Variants in ST3GAL5 observed in about 807,000 individuals in gnomAD.
ST3GAL5 encodes the protein ST3 beta-galactoside alpha-2,3-sialyltransferase 5.
In ST3GAL5, 25 loss-of-function variants were observed where a neutral mutation model predicts 46.1. That is an observed-to-expected ratio of 0.54 (90% CI 0.40 to 0.76). The LOEUF is 0.76. Ranked by LOEUF, ST3GAL5 falls within the 30% of genes least tolerant of loss-of-function variation. The pLI is 0.00. For synonymous variants in ST3GAL5, 182 were observed against 192.7 expected (o/e 0.94, Z 0.46); for missense variants, 431 against 521.2 (o/e 0.83, Z 1.69).
At chr2:85,847,514 T>C (rs1682938195) in intron 4 of ST3GAL5, 1 of 1,067,230 alleles carries the variant, frequency 9.4e-7, no homozygotes, top group Admixed American at 4.8e-5. Flanking sequence ...GCTTCCTGTG[T>C]CCCTCACTGT....
chr2:85,853,084 G>A, intron 3 of ST3GAL5: 1 of 1,304,136 alleles, frequency 7.7e-7, no homozygotes, highest in Non-Finnish European at 1.0e-6. Context: ...TCCGCAGGGA[G>A]ATAAGGTCTT....
At chr2:85,860,023 A>G (rs1465668546) in intron 3 of ST3GAL5, among the ~76,000 whole-genome samples, 1 of 152,184 alleles carries the variant, frequency 6.6e-6, no homozygotes, top group East Asian at 1.9e-4. Context: ...ACTGAATTCA[A>G]GCCGGGCTTC....
Position 85,870,326 on chromosome 2 carries a change from G to A in ST3GAL5, c.83-6841C>T, listed in dbSNP as rs74872705. The A allele has an allele frequency of 1.9e-3, 849 of 447,290 alleles. 6 individuals are homozygous for A. The highest frequency in any genetic ancestry group is 0.016 in the African/African-American group (795 of 49,838). 27.7% of individuals were successfully genotyped at this position (447,290 alleles called of 1,614,324 possible). On this transcript the variant is annotated intron_variant, in intron 1 of 6. Transcript: ENST00000638572. ...ACTGAATAAATACGCAGTTTCTTAT[G>A]AGGGTTTCGGAGGCGATGGTGGTTA...
At chr2:85,842,018 T>C (rs973244658) in intron 6 of ST3GAL5, among the ~76,000 whole-genome samples, 3 of 151,282 alleles carry the variant, frequency 2.0e-5, no homozygotes, top group South Asian at 4.3e-4. Flanking sequence ...GTGGCTGCCA[T>C]AAATATAACT....
rs1028419833 is a variant in ST3GAL5, at chr2:85,837,773, C to T, written c.*2371G>A. 1.3e-5 allele frequency: 2 copies of T among 152,238 alleles called. No homozygotes were observed. Among genetic ancestry groups the T allele is most frequent in the African/African-American group, 4.8e-5 (2 of 41,546 alleles). 9.4% of individuals were successfully genotyped at this position (152,238 alleles called of 1,614,324 possible). On this transcript the variant is annotated 3_prime_UTR_variant, in exon 7 of 7. Transcript: ENST00000638572. ...TTTCTGCAGCTCAAAGTTCTAGAAG[C>T]ATGTTAAAATACAGAACATGTGTAA... is the stretch of plus-strand genomic sequence containing the variant.
At chr2:85,867,978 G>A (rs992902633) in intron 1 of ST3GAL5, 14 of 301,116 alleles carry the variant, frequency 4.6e-5, no homozygotes, top group Admixed American at 4.4e-4. Flanking sequence ...CTCTACTTCA[G>A]CTCAGCAGGC....
intron 3 of ST3GAL5, chr2:85,848,480 C>T (rs1683094904): frequency 8.2e-7 from 1 of 1,225,206 alleles, no homozygotes; most frequent in Admixed American, 2.3e-5. Flanking sequence ...CCCAGCCTAA[C>T]ACTGTTCAAA....
chr2:85,873,726 C>T (rs546233177), intron 1 of ST3GAL5, among the ~76,000 whole-genome samples: 1 of 152,286 alleles, frequency 6.6e-6, no homozygotes, highest in Admixed American at 6.5e-5. Context: ...CCACAAACAG[C>T]TAAGAACCAG....
At chr2:85,880,881 TTTAAC>T (rs757044851) in intron 1 of ST3GAL5, 5 of 517,956 alleles carry the variant, frequency 9.7e-6, no homozygotes, top group African/African-American at 1.9e-5. Flanking sequence ...GTAGGTCTAT[TTTAAC>T]TTATCTATGT....
intron 1 of ST3GAL5, among the ~76,000 whole-genome samples, chr2:85,866,523 G>C (rs978612664): frequency 6.6e-6 from 1 of 152,254 alleles, no homozygotes; most frequent in Non-Finnish European, 1.5e-5. Flanking sequence ...ACTGCACAAA[G>C]AAGTACTGTT....
At chr2:85,888,627 C>T in intron 1 of ST3GAL5, 197 bp downstream of exon 1, 1 of 316,942 alleles carries the variant, frequency 3.2e-6, no homozygotes. Context: ...ACCCCCCGCC[C>T]GGTCCACACG....
intron 3 of ST3GAL5, chr2:85,853,445 A>G (rs1054597700): frequency 4.3e-6 from 1 of 234,414 alleles, no homozygotes; most frequent in South Asian, 5.6e-5. Context: ...GAGTGGAACC[A>G]ACAGAGCTAA....
intron 1 of ST3GAL5, chr2:85,867,656 G>A: frequency 1.3e-6 from 1 of 780,926 alleles, no homozygotes; most frequent in Non-Finnish European, 2.4e-6. Flanking sequence ...GGTTGCCCAT[G>A]CTATTACTCC....
chr2:85,857,097 A>AAAAAAT (rs1558669884), intron 3 of ST3GAL5, among the ~76,000 whole-genome samples: 5 of 132,396 alleles, frequency 3.8e-5, no homozygotes, highest in African/African-American at 1.4e-4. Context: ...AAAAAAAAAA[A>AAAAAAT]TAGGCACGTA....
At chr2:85,871,828 G>C (rs577009114) in intron 1 of ST3GAL5, among the ~76,000 whole-genome samples, 1 of 152,256 alleles carries the variant, frequency 6.6e-6, no homozygotes, top group Non-Finnish European at 1.5e-5. Context: ...AAATAGTGAA[G>C]TCACACCAGG....
In ST3GAL5 at chr2:85,861,692, T is replaced by G. The variant is rs576596807; in HGVS notation, c.207-400A>C. On this transcript the variant is annotated intron_variant, in intron 2 of 6. Transcript: ENST00000638572. Reference sequence around the variant, plus strand: ...AAGAAAAGAAACAGTTTATTCACAGTACGTCTAAAGAATTCTACCCGGAAG... The same window carrying G: ...AAGAAAAGAAACAGTTTATTCACAGGACGTCTAAAGAATTCTACCCGGAAG... Among the ~76,000 whole-genome samples the G allele has an allele frequency of 3.0e-4, 44 of 147,076 alleles. No individual in the cohort carries two copies. In the South Asian group the frequency reaches 9.5e-3, roughly 32 times the overall value.
Position 85,840,292 on chromosome 2 carries a change from G to A in ST3GAL5, c.1109C>T (p.Thr370Ile), listed in dbSNP as rs367760178. 5 of 1,614,126 alleles carry A rather than the reference G, an allele frequency of 3.1e-6. No individual in the cohort carries two copies. The highest frequency in any genetic ancestry group is 3.3e-5 in the Admixed American group (2 of 60,014). ...TTGACTGTCGAAGTAGTGCAAAGGT[G>A]TTCTGGGTTGATTGAGGTCATATCC... ...GFGYDLNQPR[T>I]PLHYFDSQCM... The change falls in exon 7 of 7, where the codon ACA (threonine) becomes ATA (isoleucine). Residue 370 changes from threonine (T) to isoleucine (I), a missense_variant. Coordinates refer to ENST00000638572, the MANE Select transcript of ST3GAL5 (RefSeq NM_003896.4).
At chr2:85,867,284 T>C (rs779805623) in intron 1 of ST3GAL5, among the ~76,000 whole-genome samples, 1 of 152,190 alleles carries the variant, frequency 6.6e-6, no homozygotes, top group Non-Finnish European at 1.5e-5. Flanking sequence ...GGAAGTGGGT[T>C]AGAAATGCAG....
chr2:85,876,996 G>A (rs553032373), intron 1 of ST3GAL5, among the ~76,000 whole-genome samples: 1 of 152,248 alleles, frequency 6.6e-6, no homozygotes, highest in East Asian at 1.9e-4. Context: ...ATTTCCATCT[G>A]CCCTTTAACC....
Sources: allele counts gnomAD v4.1 joint callset (sites outside exome capture counted in the v4.1 genomes callset), GRCh38; gene constraint gnomAD v4.1.1; transcripts MANE v1.5; gene names NCBI Gene and HGNC (gene_info 2026-07-23, HGNC 2026-07-21).